The following ASIC4 variants were observed in gnomAD, a reference collection of about 807,000 sequenced individuals.
ASIC4 encodes the protein acid sensing ion channel subunit family member 4.
Under a neutral mutation model 53.4 loss-of-function variants are expected in ASIC4, and 28 were observed. The observed-to-expected ratio is 0.52, with a 90% CI of 0.39 to 0.72. The LOEUF is 0.72. Ranked by LOEUF, ASIC4 falls within the 30% of genes least tolerant of loss-of-function variation. ASIC4 has a pLI of 0.00. For synonymous variants in ASIC4, 289 were observed against 301.4 expected, an observed-to-expected ratio of 0.96 and a Z score of 0.43; for missense variants, 649 against 729.7, an observed-to-expected ratio of 0.89 and a Z score of 1.27.
rs144993868 is a variant in ASIC4 at position 219,535,327 on chromosome 2, A to ATGTG, written c.1229+16_1229+19dup. 3.3e-6 allele frequency: 5 copies of ATGTG among 1,533,516 alleles called. No homozygotes were observed. Among genetic ancestry groups the ATGTG allele is most frequent in the Non-Finnish European group, 4.4e-6 (5 of 1,133,142 alleles). 95.0% of individuals were successfully genotyped at this position (1,533,516 alleles called of 1,614,324 possible). A position where few individuals can be genotyped will look rare whatever the true frequency, so the allele number is the denominator to read the frequency against. On this transcript the variant is annotated splice_donor_region_variant and intron_variant, in intron 6 of 9. Transcript: ENST00000358078. ...AACCGCAACGAGACCTACATACGGT[A>ATGTG]TGTGTGTGTGTGTGTGGGGGGTGGC...
At chr2:219,529,050 C>A (rs891286722) in intron 1 of ASIC4, among the ~76,000 whole-genome samples, 1 of 152,216 alleles carries the variant, frequency 6.6e-6, no homozygotes, top group Admixed American at 6.5e-5. Context: ...TAAAAAGATC[C>A]CCCTGATTTG....
chr2:219,510,599 G>C (rs1694687998), upstream of ASIC4, among the ~76,000 whole-genome samples: 1 of 152,162 alleles, frequency 6.6e-6, no homozygotes, highest in Non-Finnish European at 1.5e-5. The surrounding 1 kb of genome is among the most constrained non-coding windows in gnomAD (Gnocchi z 5.2). Flanking sequence ...ACTTCCTCCT[G>C]ATGCCCCCAT....
chr2:219,529,645 CCTT>C (rs1484774736), intron 1 of ASIC4, among the ~76,000 whole-genome samples: 6 of 152,118 alleles, frequency 3.9e-5, no homozygotes, highest in African/African-American at 1.4e-4. Flanking sequence ...GTGCACCTCT[CCTT>C]CTTCCCAGCT....
rs1553625577 is a variant in ASIC4, at chr2:219,516,070, T to TGCAAACGCACACAC, written c.582+767_582+768insAACGCACACACGCA. ...GCCCCAGCACGGGTGCATGCACACA[T>TGCAAACGCACACAC]GCACACGCACACACGCACACGCACT... On this transcript the variant is annotated intron_variant, in intron 1 of 9. Coordinates refer to ENST00000358078, the MANE Select transcript of ASIC4 (RefSeq NM_018674.6). This position sits in a 1 kb window ranked among gnomAD's most constrained non-coding sequence, Gnocchi z 4.9. Among the ~76,000 whole-genome samples, 1 of 152,116 alleles carries TGCAAACGCACACAC rather than the reference T, an allele frequency of 6.6e-6. No individual in the cohort carries two copies. The highest frequency in any genetic ancestry group is 1.5e-5 in the Non-Finnish European group (1 of 68,006).
At position 219,536,859 on chromosome 2, in the gene ASIC4, C is replaced by T. The variant is rs13411465; in HGVS notation, c.1230-207C>T. On this transcript the variant is annotated intron_variant, in intron 6 of 9. Transcript: ENST00000358078. This position sits in a 1 kb window ranked among gnomAD's most constrained non-coding sequence, Gnocchi z 4.6. ...CTTCAGGTCCAGGAGTTGTGTTTTG[C>T]TCTCCCAGGCCCTTTGCTACCCCTC... Among the ~76,000 whole-genome samples, 1,796 of 152,226 alleles carry T rather than the reference C, an allele frequency of 0.012. 36 individuals are homozygous for T. Among genetic ancestry groups the T allele is most frequent in the African/African-American group, 0.04 (1,672 of 41,518 alleles).
At chr2:219,510,311 C>A (rs796965101), upstream of ASIC4, among the ~76,000 whole-genome samples, 1 of 152,116 alleles carries the variant, frequency 6.6e-6, no homozygotes, top group African/African-American at 2.4e-5. This position sits in a 1 kb window ranked among gnomAD's most constrained non-coding sequence, Gnocchi z 5.2. Flanking sequence ...GCCCTCTCCC[C>A]CTCCTTCCTC....
In ASIC4 at chr2:219,516,090, C is replaced by T. The variant is rs1574486562; in HGVS notation, c.582+784C>T. 1.3e-5 allele frequency among the ~76,000 whole-genome samples: 2 copies of T among 152,162 alleles called. No individual in the cohort carries two copies. The highest frequency in any genetic ancestry group is 2.4e-5 in the African/African-American group (1 of 41,438). ...ACACATGCACACGCACACACGCACA[C>T]GCACTGCTGGGGGACACAGTTTCCT... On this transcript the variant is annotated intron_variant, in intron 1 of 9. Coordinates refer to ENST00000358078, the MANE Select transcript of ASIC4 (RefSeq NM_018674.6). The surrounding 1 kb of genome is among the most constrained non-coding windows in gnomAD (Gnocchi z 4.9).
Position 219,536,161 on chromosome 2 carries a change from C to T in ASIC4, c.1229+837C>T, listed in dbSNP as rs1402178512. Among the ~76,000 whole-genome samples the T allele has an allele frequency of 6.6e-6, 1 of 152,232 alleles. No individual in the cohort carries two copies. The highest frequency in any genetic ancestry group is 1.9e-4 in the East Asian group (1 of 5,188). ...AGGGAAGTGCTTCCAGGTCCAAACACCTTTCATCTGAGTTCCCAGCACCCG... is the reference window on the plus strand; with the variant it reads ...AGGGAAGTGCTTCCAGGTCCAAACATCTTTCATCTGAGTTCCCAGCACCCG... On this transcript the variant is annotated intron_variant, in intron 6 of 9. Coordinates refer to ENST00000358078, the MANE Select transcript of ASIC4 (RefSeq NM_018674.6). This position sits in a 1 kb window ranked among gnomAD's most constrained non-coding sequence, Gnocchi z 4.6.
At position 219,537,438 on chromosome 2, in the gene ASIC4, C is replaced by A; in HGVS notation, c.1401+117C>A. 7.9e-7 allele frequency: 1 copy of A among 1,269,826 alleles called. No individual in the cohort carries two copies. Among genetic ancestry groups the A allele is most frequent in the Non-Finnish European group, 1.1e-6 (1 of 903,112 alleles). 78.7% of individuals were successfully genotyped at this position (1,269,826 alleles called of 1,614,324 possible). ...GGAAAGTCAGGTTCAGGGTTCTCTG[C>A]CAGGGTCCCCTGACTGGCTGGCAGG... On this transcript the variant is annotated intron_variant, in intron 8 of 9. Coordinates refer to ENST00000358078, the MANE Select transcript of ASIC4 (RefSeq NM_018674.6). This position sits in a 1 kb window ranked among gnomAD's most constrained non-coding sequence, Gnocchi z 4.9.
chr2:219,533,040 T>G, intron 5 of ASIC4, 101 bp downstream of exon 5: 2 of 1,292,260 alleles, frequency 1.5e-6, no homozygotes, highest in Non-Finnish European at 2.2e-6. Flanking sequence ...AATCTCTTCC[T>G]GGAGGGTTCT....
At chr2:219,512,574 G>A (rs1694715777), upstream of ASIC4, among the ~76,000 whole-genome samples, 1 of 152,222 alleles carries the variant, frequency 6.6e-6, no homozygotes, top group Non-Finnish European at 1.5e-5. Context: ...AAGTCTACCA[G>A]GGAGGGGAGA....
At chr2:219,535,517 G>T (rs553265071) in intron 6 of ASIC4, among the ~76,000 whole-genome samples, 193 bp downstream of exon 6, 1 of 149,738 alleles carries the variant, frequency 6.7e-6, no homozygotes, top group Non-Finnish European at 1.5e-5. Flanking sequence ...TGTCTGTGTG[G>T]GGGGCATGTA....
At position 219,516,054 on chromosome 2, in the gene ASIC4, C is replaced by T. The variant is rs993689815; in HGVS notation, c.582+748C>T. On this transcript the variant is annotated intron_variant, in intron 1 of 9. Coordinates refer to ENST00000358078, the MANE Select transcript of ASIC4 (RefSeq NM_018674.6). This position sits in a 1 kb window ranked among gnomAD's most constrained non-coding sequence, Gnocchi z 4.9. ...ACTCACCCTCACTGCTGCCCCAGCACGGGTGCATGCACACATGCACACGCA... is the reference window on the plus strand; with the variant it reads ...ACTCACCCTCACTGCTGCCCCAGCATGGGTGCATGCACACATGCACACGCA... 3.3e-5 allele frequency among the ~76,000 whole-genome samples: 5 copies of T among 152,190 alleles called. No individual in the cohort carries two copies. The highest frequency in any genetic ancestry group is 7.3e-5 in the Non-Finnish European group (5 of 68,028).
At chr2:219,523,242 G>A (rs1694915912) in intron 1 of ASIC4, among the ~76,000 whole-genome samples, 1 of 152,208 alleles carries the variant, frequency 6.6e-6, no homozygotes, top group African/African-American at 2.4e-5. Flanking sequence ...TGACTTTCTA[G>A]GGTGTAAGGC....
Position 219,516,506 on chromosome 2 carries a change from A to C in ASIC4, c.582+1200A>C, listed in dbSNP as rs994819481. On this transcript the variant is annotated intron_variant, in intron 1 of 9. Transcript: ENST00000358078. This position sits in a 1 kb window ranked among gnomAD's most constrained non-coding sequence, Gnocchi z 4.9. ...CATAGTCACAGGGTATCTAGTATTC[A>C]TGGCGCTCGAGATGCTTGTCCCTAG... Among the ~76,000 whole-genome samples, 21 of 151,808 alleles carry C rather than the reference A, an allele frequency of 1.4e-4. No homozygotes were observed. Among genetic ancestry groups the C allele is most frequent in the African/African-American group, 5.1e-4 (21 of 41,294 alleles).
upstream of ASIC4, among the ~76,000 whole-genome samples, chr2:219,510,342 C>T (rs1484282746): frequency 1.3e-5 from 2 of 152,146 alleles, no homozygotes; most frequent in African/African-American, 4.8e-5. The surrounding 1 kb of genome is among the most constrained non-coding windows in gnomAD (Gnocchi z 5.2). Flanking sequence ...GCTCTCTGAC[C>T]AGCACCCCCT....
At chr2:219,514,072 C>T, upstream of ASIC4, 1 of 467,840 alleles carries the variant, frequency 2.1e-6, no homozygotes, top group East Asian at 3.4e-5. Flanking sequence ...TTGGCTGACC[C>T]TTCATGGGGT....
intron 3 of ASIC4, 38 bp downstream of exon 3, chr2:219,532,166 G>T (rs202019494): frequency 1.3e-4 from 207 of 1,612,628 alleles, no homozygotes; most frequent in Non-Finnish European, 6.4e-5. Flanking sequence ...TGGGCACAGG[G>T]CTCGCCTTTG....
intron 1 of ASIC4, among the ~76,000 whole-genome samples, chr2:219,519,951 C>T (rs1431075635): frequency 6.6e-6 from 1 of 152,088 alleles, no homozygotes; most frequent in South Asian, 2.1e-4. Context: ...GTGCTTTCTT[C>T]CCAGGTGCAG....
Sources: gnomAD v4.1 joint callset for allele counts (sites outside exome capture counted in the v4.1 genomes callset) on GRCh38, gnomAD v4.1.1 for gene constraint, Gnocchi (gnomAD v3.1) non-coding constraint, MANE v1.5 for transcripts, NCBI Gene and HGNC (gene_info 2026-07-23, HGNC 2026-07-21) for gene names.